PTPRD: variants seen among roughly 807,000 people sequenced by gnomAD.
PTPRD encodes the protein protein tyrosine phosphatase receptor type D.
Under a neutral mutation model 214.5 loss-of-function variants are expected in PTPRD, and 34 were observed. The ratio of observed to expected loss-of-function variants is 0.16; its 90% CI spans 0.12 to 0.21. The LOEUF is 0.21. Ranked by LOEUF, PTPRD falls within the 10% of genes least tolerant of loss-of-function variation. PTPRD has a pLI of 1.00. For missense variants in PTPRD, 2,545 were observed against 2,398.7 expected, an observed-to-expected ratio of 1.06 and a Z score of -1.27; for synonymous variants, 1,128 against 845.7, an observed-to-expected ratio of 1.33 and a Z score of -5.79.
intron 2 of PTPRD, among the ~76,000 whole-genome samples, chr9:10,498,790 T>C (rs2042869732): frequency 1.4e-4 from 1 of 6,998 alleles, no homozygotes; most frequent in African/African-American, 1.5e-4. Context: ...TCCCAGCACT[T>C]TGGGAGGCCG....
chr9:8,914,307 T>A (rs1371554386), intron 11 of PTPRD, among the ~76,000 whole-genome samples: 1 of 152,162 alleles, frequency 6.6e-6, no homozygotes, highest in South Asian at 2.1e-4. Context: ...GCAAAATATT[T>A]TGTGTGAACT....
At chr9:9,621,823 G>A (rs978612623) in intron 7 of PTPRD, among the ~76,000 whole-genome samples, 2 of 152,158 alleles carry the variant, frequency 1.3e-5, no homozygotes, top group Admixed American at 6.5e-5. Context: ...TGGAAACACG[G>A]AGTGTGCTGC....
chr9:8,963,314 G>T (rs1413284100), intron 11 of PTPRD, among the ~76,000 whole-genome samples: 1 of 152,148 alleles, frequency 6.6e-6, no homozygotes, highest in African/African-American at 2.4e-5. Flanking sequence ...TAATACATGG[G>T]AGGATTTTAG....
In PTPRD at chr9:8,848,984, C is replaced by G. The variant is rs528679694; in HGVS notation, c.-103-115038G>C. 2.2e-3 allele frequency among the ~76,000 whole-genome samples: 275 copies of G among 125,682 alleles called. 21 individuals are homozygous for G. Among genetic ancestry groups the G allele is most frequent in the Non-Finnish European group, 3.3e-3 (185 of 55,360 alleles). The allele number at this position is 125,682 out of a possible 152,430, so 82.5% of individuals were successfully genotyped here. The stretch of plus-strand genomic sequence containing the variant: ...ATGCTCAGTAAGTTTTAGAAATAAT[C>G]ACTATTACAACTATTACATATCAAC... On this transcript the variant is annotated intron_variant, in intron 11 of 45. Transcript: ENST00000381196.
intron 7 of PTPRD, among the ~76,000 whole-genome samples, chr9:9,610,203 G>C (rs964130374): frequency 7.2e-5 from 11 of 152,138 alleles, no homozygotes; most frequent in African/African-American, 2.7e-4. Flanking sequence ...TAAGAGCCAC[G>C]ATGAAAATGA....
chr9:9,240,924 A>C (rs915177489), intron 9 of PTPRD, among the ~76,000 whole-genome samples: 9 of 152,138 alleles, frequency 5.9e-5, no homozygotes, highest in South Asian at 2.1e-4. Context: ...ACTGTCAATC[A>C]GCTGAGGTCC....
intron 9 of PTPRD, among the ~76,000 whole-genome samples, chr9:9,307,923 C>G (rs1365614304): frequency 1.3e-5 from 2 of 152,126 alleles, no homozygotes; most frequent in Admixed American, 1.3e-4. Flanking sequence ...CCTATGTTCT[C>G]CCCTTATGCT....
chr9:9,068,832 G>C (rs959553264), intron 10 of PTPRD, among the ~76,000 whole-genome samples: 2 of 152,004 alleles, frequency 1.3e-5, no homozygotes, highest in Non-Finnish European at 2.9e-5. Context: ...GGATGGTCTC[G>C]ATCTCCTGAC....
rs1177188085 is a variant in PTPRD, at chr9:10,610,867, C to G, written c.-600+1531G>C. 2.0e-5 allele frequency among the ~76,000 whole-genome samples: 3 copies of G among 152,112 alleles called. No homozygotes were observed. In the East Asian group the frequency reaches 5.8e-4, roughly 29 times the overall value. ...TCAACACTGAGTAATCAAAACAACTCTAAAACATCTCTACTTTTTTGTAAT... is the reference window on the plus strand; with the variant it reads ...TCAACACTGAGTAATCAAAACAACTGTAAAACATCTCTACTTTTTTGTAAT... On this transcript the variant is annotated intron_variant, in intron 2 of 45. Coordinates refer to ENST00000381196, the MANE Select transcript of PTPRD (RefSeq NM_002839.4).
chr9:8,824,590 A>G (rs1346317431), intron 11 of PTPRD, among the ~76,000 whole-genome samples: 5 of 76,504 alleles, frequency 6.5e-5, no homozygotes, highest in African/African-American at 3.8e-4. Flanking sequence ...TCACAAGAGT[A>G]AAGCAAAATA....
chr9:9,581,631 C>G (rs966835446), intron 7 of PTPRD, among the ~76,000 whole-genome samples: 2 of 151,980 alleles, frequency 1.3e-5, no homozygotes, highest in Admixed American at 6.6e-5. Flanking sequence ...TGGATAGACC[C>G]TTGGGAAAAA....
At chr9:10,107,105 T>C (rs947336108) in intron 3 of PTPRD, among the ~76,000 whole-genome samples, 2 of 151,742 alleles carry the variant, frequency 1.3e-5, no homozygotes, top group African/African-American at 4.8e-5. Context: ...AATATGTGGG[T>C]TTCATGGAAG....
intron 14 of PTPRD, among the ~76,000 whole-genome samples, chr9:8,630,389 G>A (rs1390250177): frequency 1.3e-5 from 2 of 151,612 alleles, no homozygotes; most frequent in Non-Finnish European, 2.9e-5. Flanking sequence ...AGTTTACACT[G>A]GAATATTATT....
At chr9:8,418,703 C>T (rs2094135687) in intron 35 of PTPRD, among the ~76,000 whole-genome samples, 1 of 151,868 alleles carries the variant, frequency 6.6e-6, no homozygotes, top group African/African-American at 2.4e-5. Flanking sequence ...GGATAACAGA[C>T]TGATGCATTC....
intron 11 of PTPRD, among the ~76,000 whole-genome samples, chr9:9,016,317 T>C (rs565720525): frequency 5.9e-4 from 90 of 152,282 alleles, no homozygotes; most frequent in Admixed American, 1.3e-3. Context: ...TAAAATACAT[T>C]TGTAATATAC....
At chr9:8,655,858 T>C (rs919693053) in intron 12 of PTPRD, among the ~76,000 whole-genome samples, 3 of 151,996 alleles carry the variant, frequency 2.0e-5, no homozygotes, top group Non-Finnish European at 4.4e-5. Context: ...AACCATTAAA[T>C]AGACAGTGCT....
chr9:9,928,964 A>C (rs1301222253), intron 5 of PTPRD, among the ~76,000 whole-genome samples: 4 of 152,206 alleles, frequency 2.6e-5, no homozygotes, highest in African/African-American at 9.6e-5. Flanking sequence ...GTTGATTTAT[A>C]AAATAGAGAC....
At chr9:9,771,405 T>G (rs905069618) in intron 5 of PTPRD, among the ~76,000 whole-genome samples, 1 of 152,190 alleles carries the variant, frequency 6.6e-6, no homozygotes. Flanking sequence ...GTGGTCAAAA[T>G]TCGATGTATC....
chr9:9,282,297 T>A (rs1431472886), intron 9 of PTPRD, among the ~76,000 whole-genome samples: 2 of 151,150 alleles, frequency 1.3e-5, no homozygotes, highest in African/African-American at 2.4e-5. Flanking sequence ...GGGATGTTGA[T>A]AATGGGGCAG....
Sources: allele counts gnomAD v4.1 joint callset (sites outside exome capture counted in the v4.1 genomes callset), GRCh38; gene constraint gnomAD v4.1.1; transcripts MANE v1.5; gene names NCBI Gene and HGNC (gene_info 2026-07-23, HGNC 2026-07-21).